QTGAL: variants seen among roughly 807,000 people sequenced by gnomAD.
The protein encoded by QTGAL is queuosine-tRNA galactosyltransferase.
chr17:83,040,821 T>C, the QTGAL span, among the ~76,000 whole-genome samples: 48 of 152,240 alleles, frequency 3.2e-4, no homozygotes, highest in African/African-American at 9.6e-4. Flanking sequence ...ATCCCAGCAC[T>C]TTGGGAGGCC....
chr17:82,978,534 C>A, the QTGAL span: 1 of 152,128 alleles, frequency 6.6e-6, no homozygotes, highest in African/African-American at 2.4e-5. This position sits in a 1 kb window ranked among gnomAD's most constrained non-coding sequence, Gnocchi z 4.8. Context: ...TCTGACTGTG[C>A]TTGGGCTCTG....
the QTGAL span, among the ~76,000 whole-genome samples, chr17:83,026,677 C>A: frequency 9.0e-5 from 2 of 22,254 alleles, no homozygotes; most frequent in African/African-American, 1.5e-4. Context: ...CAGAGCAGGG[C>A]GGGGAGCCTG....
chr17:82,998,780 C>G, the QTGAL span, among the ~76,000 whole-genome samples: 3 of 152,090 alleles, frequency 2.0e-5, no homozygotes, highest in Non-Finnish European at 4.4e-5. Flanking sequence ...TAAAATTCAA[C>G]AATAAGAATG....
chr17:82,958,971 C>T, the QTGAL span, among the ~76,000 whole-genome samples: 36 of 69,654 alleles, frequency 5.2e-4, 5 homozygotes, highest in South Asian at 2.5e-3. Context: ...TGTGTGTGTA[C>T]ACTGTGGGGG....
chr17:82,982,133 T>C, the QTGAL span, among the ~76,000 whole-genome samples: 13 of 138,278 alleles, frequency 9.4e-5, no homozygotes, highest in South Asian at 2.3e-4. Context: ...TCCATCCTTC[T>C]CACCTCTGTG....
the QTGAL span, among the ~76,000 whole-genome samples, chr17:83,010,890 G>A: frequency 2.3e-4 from 35 of 152,290 alleles, no homozygotes; most frequent in African/African-American, 6.7e-4. Context: ...GTTCCTCCGC[G>A]TCGCTTCCCT....
At chr17:83,017,997 C>T in the QTGAL span, among the ~76,000 whole-genome samples, 2 of 141,668 alleles carry the variant, frequency 1.4e-5, no homozygotes, top group Admixed American at 7.0e-5. Context: ...CACACGTGCT[C>T]CGTGAACACC....
At chr17:82,987,180 C>A in the QTGAL span, among the ~76,000 whole-genome samples, 15 of 152,288 alleles carry the variant, frequency 9.8e-5, no homozygotes, top group Non-Finnish European at 1.6e-4. Flanking sequence ...ACTTTGCATG[C>A]CTTTATCAAA....
At chr17:82,976,225 C>G in the QTGAL span, among the ~76,000 whole-genome samples, 1 of 75,850 alleles carries the variant, frequency 1.3e-5, no homozygotes, top group Non-Finnish European at 2.5e-5. Flanking sequence ...CGGGACAGAG[C>G]CGGACTCCAT....
the QTGAL span, among the ~76,000 whole-genome samples, chr17:82,997,930 A>AATATATAT: frequency 9.1e-5 from 12 of 131,644 alleles, no homozygotes; most frequent in African/African-American, 2.1e-4. Context: ...TAAAAAAAAA[A>AATATATAT]ATATATATAT....
the QTGAL span, chr17:82,950,004 G>A: frequency 5.3e-5 from 8 of 152,162 alleles, no homozygotes; most frequent in Non-Finnish European, 8.8e-5. Flanking sequence ...CAAATAAGCT[G>A]GAAATTTCCC....
chr17:83,014,587 G>A, the QTGAL span: 24 of 1,549,182 alleles, frequency 1.5e-5, no homozygotes, highest in South Asian at 1.1e-4. Context: ...ATACAGTCCC[G>A]CTTTATTGCC....
chr17:83,039,764 G>A, the QTGAL span, among the ~76,000 whole-genome samples: 3 of 152,188 alleles, frequency 2.0e-5, no homozygotes, highest in South Asian at 4.1e-4. Context: ...CCGTGGAGCC[G>A]ACCCCACCAG....
the QTGAL span, among the ~76,000 whole-genome samples, chr17:83,001,550 G>C: frequency 8.6e-6 from 1 of 116,758 alleles, no homozygotes; most frequent in Admixed American, 1.3e-4. Context: ...CTCCATTTAC[G>C]TAAAATTCCA....
chr17:82,974,858 G>C, the QTGAL span, among the ~76,000 whole-genome samples: 1 of 152,232 alleles, frequency 6.6e-6, no homozygotes, highest in Non-Finnish European at 1.5e-5. Context: ...CAAAGAACGT[G>C]GGGCTGGGAC....
At chr17:83,036,033 C>G in the QTGAL span, among the ~76,000 whole-genome samples, 4 of 151,032 alleles carry the variant, frequency 2.6e-5, no homozygotes, top group Admixed American at 1.3e-4. Flanking sequence ...ATCTACAACA[C>G]CAGAGTGGGT....
chr17:82,957,712 C>T, the QTGAL span, among the ~76,000 whole-genome samples: 1 of 152,162 alleles, frequency 6.6e-6, no homozygotes, highest in Admixed American at 6.5e-5. Context: ...CATTAGACCC[C>T]AACAGGTGGG....
At chr17:83,044,713 G>A in the QTGAL span, among the ~76,000 whole-genome samples, 1 of 152,204 alleles carries the variant, frequency 6.6e-6, no homozygotes, top group Non-Finnish European at 1.5e-5. Context: ...GGAGGCCAAG[G>A]CAGGCGGATC....
the QTGAL span, among the ~76,000 whole-genome samples, chr17:82,984,589 G>A: frequency 0.72 from 54,102 of 75,130 alleles, 19,383 homozygotes; most frequent in African/African-American, 0.92. Context: ...AGGCTACAGG[G>A]TCGTGCAGGG....
Sources: gnomAD v4.1 joint callset for allele counts (sites outside exome capture counted in the v4.1 genomes callset) on GRCh38, gnomAD v4.1.1 for gene constraint, Gnocchi (gnomAD v3.1) non-coding constraint, MANE v1.5 for transcripts, NCBI Gene and HGNC (gene_info 2026-07-23, HGNC 2026-07-21) for gene names.